The following RASA1 variants were observed in gnomAD, a reference collection of about 807,000 sequenced individuals.
RASA1 encodes RAS p21 protein activator 1.
Under a neutral mutation model 132.2 loss-of-function variants are expected in RASA1, and 25 were observed. The observed-to-expected ratio is 0.19, with a 90% confidence interval of 0.14 to 0.26. RASA1 has a LOEUF of 0.26. Ranked by LOEUF, RASA1 falls within the 10% of genes least tolerant of loss-of-function variation. The pLI, the probability that RASA1 is intolerant of heterozygous loss-of-function variation, is 1.00. For missense variants in RASA1, 964 were observed against 1,299.2 expected (o/e 0.74, Z 3.97); for synonymous variants, 477 against 449.9 (o/e 1.06, Z -0.76).
chr5:87,270,647 T>A (rs1030209970), intron 1 of RASA1, among the ~76,000 whole-genome samples: 3 of 12,544 alleles, frequency 2.4e-4, no homozygotes, highest in Non-Finnish European at 6.6e-4. Flanking sequence ...GTGCCCGGCC[T>A]TTTTTTTTTT....
At position 87,299,080 on chromosome 5, in the gene RASA1, C is replaced by T. The variant is rs149631500; in HGVS notation, c.539+30090C>T. ...TTTATATCCTACTGCTCAAGGTCATCGCCAAGGTCTGATTTTTCACCCTCA... is the reference window on the plus strand; with the variant it reads ...TTTATATCCTACTGCTCAAGGTCATTGCCAAGGTCTGATTTTTCACCCTCA... On this transcript the variant is annotated intron_variant, in intron 1 of 24. Coordinates refer to ENST00000274376, the MANE Select transcript of RASA1 (RefSeq NM_002890.3). Among the ~76,000 whole-genome samples the T allele has an allele frequency of 2.8e-3, 428 of 152,278 alleles. 6 individuals carry two copies. Among genetic ancestry groups the T allele is most frequent in the East Asian group, 8.3e-3 (43 of 5,192 alleles).
rs3747704 is a variant in RASA1 at position 87,390,806 on chromosome 5, T to C, written c.3067T>C (p.Leu1023=). The part of the protein sequence containing the change: ...SNERGAQQHV[L]KKLLAITELL... ...CCATTTTTCCTCTGTCTAGCACGTA[T>C]TGAAAAAGCTTCTGGCTATAACAGA... Residue 1023 remains leucine, a synonymous_variant, in exon 25 of 25, where the codon TTG becomes CTG. Transcript: ENST00000274376. 217 of 1,611,650 alleles carry C rather than the reference T, an allele frequency of 1.3e-4. 2 individuals are homozygous for C. In the East Asian group the frequency reaches 3.8e-3, roughly 28 times the overall value.
At chr5:87,388,967 C>G (rs1762263333) in intron 23 of RASA1, among the ~76,000 whole-genome samples, 1 of 152,060 alleles carries the variant, frequency 6.6e-6, no homozygotes, top group Non-Finnish European at 1.5e-5. Flanking sequence ...TTGTACACAT[C>G]TGTCATGCTA....
At chr5:87,358,545 G>C (rs1759830276) in intron 9 of RASA1, among the ~76,000 whole-genome samples, 2 of 152,112 alleles carry the variant, frequency 1.3e-5, no homozygotes, top group African/African-American at 4.8e-5. Flanking sequence ...ACCAGAATCT[G>C]CCTTCATCTC....
At chr5:87,346,562 ATTTAT>A (rs1758875997) in intron 6 of RASA1, 105 bp from the exon 7 acceptor site, 11 of 605,866 alleles carry the variant, frequency 1.8e-5, no homozygotes, top group Non-Finnish European at 2.9e-5. Context: ...GATTAATTGC[ATTTAT>A]TTTATCACTT....
chr5:87,382,243 G>C (rs531724549), intron 20 of RASA1, among the ~76,000 whole-genome samples: 1 of 152,272 alleles, frequency 6.6e-6, no homozygotes, highest in African/African-American at 2.4e-5. Context: ...GAGCCACCAT[G>C]CCCAGCCAAT....
intron 11 of RASA1, among the ~76,000 whole-genome samples, 167 bp from the exon 12 acceptor site, chr5:87,369,642 AAAAT>A (rs2112474295): frequency 6.6e-6 from 1 of 152,198 alleles, no homozygotes; most frequent in African/African-American, 2.4e-5. Flanking sequence ...AAAGTTTTCT[AAAAT>A]ATATATAGCT....
chr5:87,370,453 A>G (rs1353915255), intron 12 of RASA1, among the ~76,000 whole-genome samples: 1 of 152,148 alleles, frequency 6.6e-6, no homozygotes, highest in Non-Finnish European at 1.5e-5. Flanking sequence ...TTTAAAAAAC[A>G]CTCTTTAAAA....
At chr5:87,291,530 C>G (rs1561260203) in intron 1 of RASA1, among the ~76,000 whole-genome samples, 2 of 152,080 alleles carry the variant, frequency 1.3e-5, no homozygotes. Context: ...GACCCTGTCT[C>G]CTAAATAAAT....
intron 1 of RASA1, 101 bp from the exon 2 acceptor site, chr5:87,331,247 C>T (rs187755504): frequency 3.3e-6 from 4 of 1,223,136 alleles, no homozygotes; most frequent in Non-Finnish European, 2.4e-6. Flanking sequence ...GTTTAAGTTA[C>T]ATGTAGGCAT....
At chr5:87,296,595 C>G (rs1755129314) in intron 1 of RASA1, among the ~76,000 whole-genome samples, 1 of 147,598 alleles carries the variant, frequency 6.8e-6, no homozygotes. Flanking sequence ...TTTTTAGGTT[C>G]ATGTTTTTTT....
At chr5:87,292,903 A>G (rs540598262) in intron 1 of RASA1, among the ~76,000 whole-genome samples, 4 of 152,164 alleles carry the variant, frequency 2.6e-5, no homozygotes, top group Non-Finnish European at 5.9e-5. Flanking sequence ...TTTGGTTGCT[A>G]ATGTAAATGG....
chr5:87,362,575 A>G lies in RASA1; in HGVS notation c.1357A>G (p.Thr453Ala), dbSNP rs1760192378. The stretch of plus-strand genomic sequence containing the variant: ...GGATCAAGAACAAGTACTCAATGAC[A>G]CAGTGGATGGCAAGGAAATCTATAA... ...MQDQEQVLND[T>A]VDGKEIYNTI... The change falls in exon 10 of 25, where the codon ACA becomes GCA. Residue 453 changes from threonine to alanine, a missense_variant. Physicochemically the swap from Thr to Ala is moderately conservative, Grantham distance 58. Transcript: ENST00000274376. 1 of 1,594,844 alleles carries G rather than the reference A, an allele frequency of 6.3e-7. No homozygotes were observed. The highest frequency in any genetic ancestry group is 8.6e-7 in the Non-Finnish European group (1 of 1,162,660).
At chr5:87,318,687 T>C (rs1756533503) in intron 1 of RASA1, 1 of 152,160 alleles carries the variant, frequency 6.6e-6, no homozygotes, top group South Asian at 2.1e-4. Flanking sequence ...CTCCCAACAC[T>C]GGGAATTACA....
intron 1 of RASA1, among the ~76,000 whole-genome samples, chr5:87,292,638 C>A (rs1340767284): frequency 1.3e-5 from 2 of 152,026 alleles, no homozygotes; most frequent in East Asian, 3.8e-4. Context: ...TATTCTAGGT[C>A]TTTTACCTCT....
At chr5:87,285,643 AG>A (rs1411091399) in intron 1 of RASA1, among the ~76,000 whole-genome samples, 3 of 146,630 alleles carry the variant, frequency 2.0e-5, no homozygotes, top group Non-Finnish European at 3.0e-5. Flanking sequence ...TTTGAGACAA[AG>A]TCTCGCTCTG....
intron 1 of RASA1, among the ~76,000 whole-genome samples, chr5:87,278,158 C>T (rs1754148746): frequency 6.6e-6 from 1 of 152,118 alleles, no homozygotes; most frequent in African/African-American, 2.4e-5. Context: ...CCGTATCTCA[C>T]CTATATTCTT....
At chr5:87,386,225 T>C (rs1371957787) in intron 22 of RASA1, among the ~76,000 whole-genome samples, 3 of 152,026 alleles carry the variant, frequency 2.0e-5, no homozygotes, top group Non-Finnish European at 4.4e-5. Flanking sequence ...CCTTATCTCA[T>C]TGAGTTTCTT....
intron 1 of RASA1, among the ~76,000 whole-genome samples, chr5:87,274,164 G>C (rs966181319): frequency 5.3e-5 from 8 of 152,128 alleles, no homozygotes; most frequent in African/African-American, 1.9e-4. Context: ...GTCTCCACCA[G>C]GTCTGCTTTG....
Sources: gnomAD v4.1 joint callset for allele counts (sites outside exome capture counted in the v4.1 genomes callset) on GRCh38, gnomAD v4.1.1 for gene constraint, MANE v1.5 for transcripts, NCBI Gene and HGNC (gene_info 2026-07-23, HGNC 2026-07-21) for gene names.